STOX2: variants seen among roughly 807,000 people sequenced by gnomAD.
The protein encoded by STOX2 is storkhead box 2, also known as storkhead-box protein 2.
A neutral mutation model predicts 60.9 loss-of-function variants in STOX2; 28 were observed. The ratio of observed to expected loss-of-function variants is 0.46; its 90% CI spans 0.34 to 0.63. The LOEUF (loss-of-function observed/expected upper bound fraction) is 0.63. STOX2 is among the 30% of genes least tolerant of loss of function. The pLI, the probability that STOX2 is intolerant of heterozygous loss-of-function variation, is 0.01. For missense variants in STOX2, 1,024 were observed against 1,187.7 expected, an observed-to-expected ratio of 0.86 and a Z score of 2.03; for synonymous variants, 472 against 463.9, an observed-to-expected ratio of 1.02 and a Z score of -0.22.
chr4:183,935,201 G>T (rs188161896), intron 1 of STOX2, among the ~76,000 whole-genome samples: 1 of 152,216 alleles, frequency 6.6e-6, no homozygotes, highest in African/African-American at 2.4e-5. Context: ...TGGGAAGCCC[G>T]CTCAGGAGCG....
Position 184,001,235 on chromosome 4 carries a change from AC to A in STOX2, c.167-88del. The A allele has an allele frequency of 7.5e-7, 1 of 1,333,206 alleles. No homozygotes were observed. The highest frequency in any genetic ancestry group is 1.1e-6 in the Non-Finnish European group (1 of 948,162). The allele number at this position is 1,333,206 out of a possible 1,614,324, so 82.6% of individuals were successfully genotyped here. On this transcript the variant is annotated intron_variant, in intron 1 of 3. Transcript: ENST00000308497. This position sits in a 1 kb window ranked among gnomAD's most constrained non-coding sequence, Gnocchi z 4.2. ...GTTCGGAGCTGACTGTGTTCGTCAG[AC>A]CAGGGCCAGATGGACGCGTGAAGGC...
intron 1 of STOX2, among the ~76,000 whole-genome samples, chr4:183,800,916 C>A (rs1182777466): frequency 6.6e-6 from 1 of 152,150 alleles, no homozygotes; most frequent in Admixed American, 6.5e-5. Flanking sequence ...ACAGGCGGGG[C>A]GAGACAGGCA....
At chr4:183,823,038 A>C (rs995726909) in intron 1 of STOX2, among the ~76,000 whole-genome samples, 1 of 152,284 alleles carries the variant, frequency 6.6e-6, no homozygotes, top group Non-Finnish European at 1.5e-5. Context: ...AGCTTGTATG[A>C]TCTACGTTTT....
intron 1 of STOX2, among the ~76,000 whole-genome samples, chr4:183,970,663 C>T (rs1412133686): frequency 6.6e-6 from 1 of 152,240 alleles, no homozygotes; most frequent in East Asian, 1.9e-4. Flanking sequence ...TGGGCTGAGC[C>T]ACCTTCTTCT....
chr4:183,922,403 G>A (rs1031567114), intron 1 of STOX2, among the ~76,000 whole-genome samples: 20 of 149,712 alleles, frequency 1.3e-4, no homozygotes, highest in Middle Eastern at 3.4e-3. Flanking sequence ...CTAGAGTGCA[G>A]TGGCGTGATC....
chr4:183,937,671 G>T (rs1742625769), intron 1 of STOX2, among the ~76,000 whole-genome samples: 1 of 152,126 alleles, frequency 6.6e-6, no homozygotes, highest in Admixed American at 6.5e-5. Flanking sequence ...GAACAGTCAC[G>T]CTCAGGACCT....
intron 1 of STOX2, among the ~76,000 whole-genome samples, chr4:183,987,368 T>A (rs1178719934): frequency 6.6e-6 from 1 of 152,148 alleles, no homozygotes; most frequent in East Asian, 1.9e-4. Flanking sequence ...GGTGTGTAAA[T>A]GCATGTCCGC....
intron 1 of STOX2, among the ~76,000 whole-genome samples, chr4:183,844,855 A>G (rs1739950107): frequency 6.6e-6 from 1 of 152,194 alleles, no homozygotes; most frequent in African/African-American, 2.4e-5. Context: ...AAGTTGACTA[A>G]AACATGGACT....
At chr4:183,798,638 T>TGCA (rs1738689571) in intron 1 of STOX2, 1 of 985,238 alleles carries the variant, frequency 1.0e-6, no homozygotes, top group South Asian at 4.7e-5. Context: ...ATGTCTCACC[T>TGCA]GCAGCACATC....
At chr4:183,915,794 G>A (rs1225680903) in intron 1 of STOX2, among the ~76,000 whole-genome samples, 1 of 152,224 alleles carries the variant, frequency 6.6e-6, no homozygotes, top group Non-Finnish European at 1.5e-5. Context: ...GGCCTGGGAG[G>A]GCTTCACCCT....
intron 1 of STOX2, among the ~76,000 whole-genome samples, chr4:183,822,347 G>A (rs1739321141): frequency 6.6e-6 from 1 of 152,232 alleles, no homozygotes; most frequent in Non-Finnish European, 1.5e-5. Flanking sequence ...GACTGGCATG[G>A]GGGATGGTTT....
intron 1 of STOX2, among the ~76,000 whole-genome samples, chr4:183,822,743 A>T (rs1485335477): frequency 6.6e-6 from 1 of 152,220 alleles, no homozygotes; most frequent in Non-Finnish European, 1.5e-5. Context: ...CCAGTTCCTA[A>T]TAGGCCACAG....
intron 1 of STOX2, among the ~76,000 whole-genome samples, chr4:183,877,646 G>C (rs1421130201): frequency 6.6e-6 from 1 of 152,112 alleles, no homozygotes; most frequent in African/African-American, 2.4e-5. Flanking sequence ...AGAATTTTAA[G>C]CACCTGCCTC....
chr4:183,872,850 A>C (rs1055381080), intron 1 of STOX2, among the ~76,000 whole-genome samples: 2 of 152,092 alleles, frequency 1.3e-5, no homozygotes, highest in Non-Finnish European at 2.9e-5. Context: ...TTTGGAATTC[A>C]GATCTGCTCT....
At chr4:183,820,419 C>T (rs1324218067) in intron 1 of STOX2, among the ~76,000 whole-genome samples, 1 of 152,168 alleles carries the variant, frequency 6.6e-6, no homozygotes, top group Non-Finnish European at 1.5e-5. Flanking sequence ...GGTGACAAAC[C>T]TGGGTGCCCT....
intron 1 of STOX2, among the ~76,000 whole-genome samples, chr4:183,891,059 A>G (rs947318574): frequency 6.6e-6 from 1 of 152,068 alleles, no homozygotes; most frequent in Non-Finnish European, 1.5e-5. Context: ...GCAGTGAGCC[A>G]TGAGCCCACC....
chr4:183,858,413 C>A (rs187144175), intron 1 of STOX2, among the ~76,000 whole-genome samples: 8 of 152,346 alleles, frequency 5.3e-5, no homozygotes, highest in Admixed American at 3.3e-4. Flanking sequence ...GCTGTCGTTG[C>A]GCTCAGCTCT....
At chr4:183,888,523 C>T (rs1461843528) in intron 1 of STOX2, among the ~76,000 whole-genome samples, 1 of 152,180 alleles carries the variant, frequency 6.6e-6, no homozygotes, top group African/African-American at 2.4e-5. Flanking sequence ...CCTGTTTCCT[C>T]CCGACCTTGA....
intron 1 of STOX2, among the ~76,000 whole-genome samples, chr4:183,983,811 A>G (rs570904236): frequency 7.2e-5 from 11 of 152,128 alleles, no homozygotes; most frequent in Non-Finnish European, 1.2e-4. Context: ...TTAGAGAAGG[A>G]TCTTGCTCTC....
Sources: allele counts gnomAD v4.1 joint callset (sites outside exome capture counted in the v4.1 genomes callset), GRCh38; gene constraint gnomAD v4.1.1; non-coding constraint Gnocchi (gnomAD v3.1); transcripts MANE v1.5; gene names NCBI Gene and HGNC (gene_info 2026-07-23, HGNC 2026-07-21).